Variants in LBHD1 observed in about 807,000 individuals in gnomAD.
The protein encoded by LBHD1 is LBH domain-containing protein 1.
In LBHD1, 28 loss-of-function variants were observed where a neutral mutation model predicts 31.1. The observed-to-expected ratio is 0.90, with a 90% confidence interval of 0.67 to 1.24. LBHD1 has a LOEUF of 1.24. LBHD1 is among the 50% of genes most tolerant of loss of function. The pLI is 0.00. For missense variants in LBHD1, 350 were observed against 323.0 expected (o/e 1.08, Z -0.64); for synonymous variants, 105 against 116.5 (o/e 0.90, Z 0.63).
At chr11:62,670,066 CAG>C in intron 1 of LBHD1, 25 bp from the exon 2 acceptor site, 1 of 1,581,794 alleles carries the variant, frequency 6.3e-7, no homozygotes, top group Non-Finnish European at 8.6e-7. Flanking sequence ...TGATTGAACT[CAG>C]AGGAGAGTAC....
intron 3 of LBHD1, chr11:62,668,058 G>T: frequency 1.2e-5 from 3 of 245,274 alleles, no homozygotes; most frequent in Non-Finnish European, 1.6e-5. Flanking sequence ...TAATTTCTGT[G>T]GTATTTTTTG....
chr11:62,666,539 G>A lies in LBHD1; in HGVS notation c.538+984C>T, dbSNP rs759890869. ...GCTCCTACTGCCATTGCTGCAGGAG[G>A]CACAGGCTGCCAGTCCTCTGCGAGT... On this transcript the variant is annotated intron_variant, in intron 4 of 6. Coordinates refer to ENST00000354588, the MANE Select transcript of LBHD1 (RefSeq NM_024099.5). 2.5e-6 allele frequency: 4 copies of A among 1,614,166 alleles called. No individual in the cohort carries two copies. In the Admixed American group the frequency reaches 5.0e-5, roughly 20 times the overall value.
chr11:62,666,020 G>C (rs1944799285), intron 4 of LBHD1: 1 of 1,492,734 alleles, frequency 6.7e-7, no homozygotes, highest in East Asian at 2.3e-5. Flanking sequence ...TTCCTCGTGA[G>C]TCAGGAGTGT....
Position 62,667,695 on chromosome 11 carries a change from A to T in LBHD1, c.366T>A (p.Ala122=). The change falls in exon 4 of 7, where the codon GCT becomes GCA. Residue 122 remains alanine (A), a synonymous_variant. Transcript: ENST00000354588. The part of the protein sequence containing the change: ...DPRSPLRTFN[A]GLSWGQDQDE... ...CCTGGTCCTGCCCCCAGCTGAGTCC[A>T]GCGTTAAATGTTCTTAAAGGACTTC... is the stretch of plus-strand genomic sequence containing the variant. The T allele has an allele frequency of 3.7e-6, 6 of 1,614,182 alleles. No individual in the cohort carries two copies. The highest frequency in any genetic ancestry group is 5.1e-6 in the Non-Finnish European group (6 of 1,180,028).
Position 62,664,992 on chromosome 11 carries a change from C to T in LBHD1, c.539-19G>A. The T allele has an allele frequency of 6.2e-7, 1 of 1,608,242 alleles. No homozygotes were observed. On this transcript the variant is annotated intron_variant, in intron 4 of 6. Coordinates refer to ENST00000354588, the MANE Select transcript of LBHD1 (RefSeq NM_024099.5). ...TCAGCTCCTGCCGGGGAGAAAGATG[C>T]GAATCAGATGGAGTGGGCTCGCCGC...
intron 4 of LBHD1, chr11:62,665,455 G>A (rs983123818): frequency 1.3e-6 from 2 of 1,566,078 alleles, no homozygotes; most frequent in Non-Finnish European, 1.7e-6. Flanking sequence ...GGCTTGTGGT[G>A]CCGCTCCCCG....
At chr11:62,667,360 C>T in intron 4 of LBHD1, 163 bp downstream of exon 4, 3 of 720,132 alleles carry the variant, frequency 4.2e-6, no homozygotes, top group Non-Finnish European at 7.0e-6. Context: ...AAGCAGCAGA[C>T]AGGAACTGAA....
Position 62,671,865 on chromosome 11 carries a change from G to C in LBHD1, c.-312C>G, listed in dbSNP as rs1944951977. 2 of 1,614,086 alleles carry C rather than the reference G, an allele frequency of 1.2e-6. No individual in the cohort carries two copies. Among genetic ancestry groups the C allele is most frequent in the Middle Eastern group, 1.6e-4 (1 of 6,062 alleles). On this transcript the variant is annotated 5_prime_UTR_variant, in exon 1 of 7. Transcript: ENST00000354588. ...AGCGGCGGAAGCAGGAAATGCTAAA[G>C]GTAGAAGCAACTGGTAGTCCCGAGG...
In LBHD1 at chr11:62,671,614, C is replaced by G; in HGVS notation, c.-61G>C. ...AAACGTTTCCTCGAGCAGGTCCTCT[C>G]TAGCCGGCCGCTTATCTATGGTTTC... On this transcript the variant is annotated 5_prime_UTR_variant, in exon 1 of 7. Coordinates refer to ENST00000354588, the MANE Select transcript of LBHD1 (RefSeq NM_024099.5). The G allele has an allele frequency of 1.3e-6, 2 of 1,502,794 alleles. No individual in the cohort carries two copies. Among genetic ancestry groups the G allele is most frequent in the Non-Finnish European group, 8.8e-7 (1 of 1,133,726 alleles). 93.1% of individuals were successfully genotyped at this position (1,502,794 alleles called of 1,614,324 possible).
rs773133062 is a variant in LBHD1, at chr11:62,663,001, A to C, written c.*128T>G. ...TTTGTCAAAGTCCTCTGAAACAACC[A>C]CTGAGTCTGAAGGCTGGCTCCAGTT... On this transcript the variant is annotated 3_prime_UTR_variant, in exon 7 of 7. Coordinates refer to ENST00000354588, the MANE Select transcript of LBHD1 (RefSeq NM_024099.5). The C allele has an allele frequency of 1.9e-4, 265 of 1,411,422 alleles. No homozygotes were observed. The highest frequency in any genetic ancestry group is 7.7e-4 in the Middle Eastern group (3 of 3,908). The allele number at this position is 1,411,422 out of a possible 1,614,324, so 87.4% of individuals were successfully genotyped here. A position where few individuals can be genotyped will look rare whatever the true frequency, so the allele number is the denominator to read the frequency against.
At chr11:62,671,026 G>T (rs11231182) in intron 1 of LBHD1, 58,869 of 258,640 alleles carry the variant, frequency 0.23, 7,483 homozygotes, top group Non-Finnish European at 0.28. Flanking sequence ...TTGGGCCCTG[G>T]AAGTCGAGGC....
rs1195812748 is a variant in LBHD1 at position 62,667,109 on chromosome 11, C to A, written c.538+414G>T. On this transcript the variant is annotated intron_variant, in intron 4 of 6. Transcript: ENST00000354588. ...TGTGGGCAAGGAGAGGGCTGAAGAACTGTCTTTGCAAGCTATCTGGCTGCA... is the reference window on the plus strand; with the variant it reads ...TGTGGGCAAGGAGAGGGCTGAAGAAATGTCTTTGCAAGCTATCTGGCTGCA... 6.0e-6 allele frequency: 9 copies of A among 1,493,668 alleles called. No individual in the cohort carries two copies. The African/African-American group carries it at 1.3e-4, about 21-fold the overall frequency. The allele number at this position is 1,493,668 out of a possible 1,614,324, so 92.5% of individuals were successfully genotyped here. A position where few individuals can be genotyped will look rare whatever the true frequency, so the allele number is the denominator to read the frequency against.
At chr11:62,665,765 C>A (rs1362176358) in intron 4 of LBHD1, 1 of 1,517,310 alleles carries the variant, frequency 6.6e-7, no homozygotes, top group African/African-American at 1.4e-5. Flanking sequence ...AAGCTGTACG[C>A]CGCCTTTCGC....
chr11:62,664,561 C>T (rs1944742433), intron 5 of LBHD1, among the ~76,000 whole-genome samples: 1 of 152,090 alleles, frequency 6.6e-6, no homozygotes. Context: ...GAACTCCCGA[C>T]CTCAGGTGAT....
Position 62,671,630 on chromosome 11 carries a change from C to G in LBHD1, c.-77G>C. The G allele has an allele frequency of 2.7e-6, 4 of 1,499,334 alleles. No individual in the cohort carries two copies. Among genetic ancestry groups the G allele is most frequent in the Non-Finnish European group, 8.9e-7 (1 of 1,129,798 alleles). The allele number at this position is 1,499,334 out of a possible 1,614,324, so 92.9% of individuals were successfully genotyped here. On this transcript the variant is annotated 5_prime_UTR_variant, in exon 1 of 7. Coordinates refer to ENST00000354588, the MANE Select transcript of LBHD1 (RefSeq NM_024099.5). ...AGGTCCTCTCTAGCCGGCCGCTTAT[C>G]TATGGTTTCTGCTATAGGGCGCTCT...
intron 4 of LBHD1, chr11:62,666,409 T>C (rs1381266947): frequency 1.9e-6 from 3 of 1,610,216 alleles, no homozygotes; most frequent in Non-Finnish European, 1.7e-6. Context: ...CACTGGCTGA[T>C]AGTTGCCTGG....
At chr11:62,664,082 G>GAAAAAAAAAAAAA (rs71056540) in intron 5 of LBHD1, among the ~76,000 whole-genome samples, 1 of 65,940 alleles carries the variant, frequency 1.5e-5, no homozygotes, top group Non-Finnish European at 2.8e-5. Flanking sequence ...CAAAAAAGAG[G>GAAAAAAAAAAAAA]AAAAAAAAAA....
intron 4 of LBHD1, chr11:62,665,511 A>G (rs776279999): frequency 1.3e-5 from 20 of 1,571,838 alleles, no homozygotes; most frequent in South Asian, 6.7e-5. Flanking sequence ...CCTCGGCGTC[A>G]TGTCTTCGGT....
chr11:62,665,711 A>G, intron 4 of LBHD1: 1 of 1,461,708 alleles, frequency 6.8e-7, no homozygotes, highest in Non-Finnish European at 9.0e-7. Context: ...TTCCTACCAT[A>G]GTCTGTGTCC....
Sources: allele counts gnomAD v4.1 joint callset (sites outside exome capture counted in the v4.1 genomes callset), GRCh38; gene constraint gnomAD v4.1.1; transcripts MANE v1.5; gene names NCBI Gene and HGNC (gene_info 2026-07-23, HGNC 2026-07-21).